Variants in TNRC18 observed in about 807,000 individuals in gnomAD.
TNRC18 encodes trinucleotide repeat containing 18.
In TNRC18, 69 loss-of-function variants were observed where a neutral mutation model predicts 226.7. That is an observed-to-expected ratio of 0.30 (90% CI 0.25 to 0.37). The LOEUF is 0.37. TNRC18 is among the 10% of genes least tolerant of loss of function. The pLI is 1.00. For synonymous variants in TNRC18, 2,449 were observed against 1,927.6 expected (o/e 1.27, Z -7.09); for missense variants, 4,754 against 4,256.6 (o/e 1.12, Z -3.25).
chr7:5,313,888 C>T, intron 26 of TNRC18, 25 bp from the exon 27 acceptor site: 1 of 1,426,568 alleles, frequency 7.0e-7, no homozygotes. Context: ...AGATGAGAAG[C>T]TGGGGCGGGG....
In TNRC18 at chr7:5,332,629, G is replaced by T. The variant is rs964387257; in HGVS notation, c.6140C>A (p.Pro2047His). ...TCCCAGCGCGGCCCCTACCTTCCTG[G>T]GGTCCTTCCTGTCCTTTGCACGCCC... is the stretch of plus-strand genomic sequence containing the variant. ...DAGRAKDRKD[P>H]RKKKKGKEAG... The change falls in exon 19 of 30, where the codon CCC becomes CAC. Residue 2047 changes from proline (P) to histidine (H), a missense_variant. By Grantham distance (77) the Pro-to-His change is moderately conservative. Coordinates refer to ENST00000430969, the MANE Select transcript of TNRC18 (RefSeq NM_001080495.3). The T allele has an allele frequency of 5.2e-6, 8 of 1,526,754 alleles. No homozygotes were observed. In the Middle Eastern group the frequency reaches 7.0e-4, roughly 133 times the overall value. 94.6% of individuals were successfully genotyped at this position (1,526,754 alleles called of 1,614,324 possible).
intron 21 of TNRC18, among the ~76,000 whole-genome samples, chr7:5,321,502 C>G (rs1035115790): frequency 6.6e-6 from 1 of 152,152 alleles, no homozygotes; most frequent in East Asian, 1.9e-4. Context: ...CCTGCTGCCT[C>G]TTCCCACCTC....
intron 17 of TNRC18, 102 bp downstream of exon 17, chr7:5,351,717 C>A: frequency 1.5e-6 from 2 of 1,358,856 alleles, no homozygotes; most frequent in Non-Finnish European, 2.0e-6. Context: ...GGCCTCCTCA[C>A]CCACCATCTC....
rs1464074407 is a variant in TNRC18, at chr7:5,309,855, G to A, written c.8389-487C>T. ...GGCCTCAAACCACCCTCCCACCTTT[G>A]CCTCCCAAAGCACTAGGATCGCAGT... On this transcript the variant is annotated intron_variant, in intron 27 of 29. Transcript: ENST00000430969. This position sits in a 1 kb window ranked among gnomAD's most constrained non-coding sequence, Gnocchi z 5.7. Among the ~76,000 whole-genome samples, 1 of 152,124 alleles carries A rather than the reference G, an allele frequency of 6.6e-6. No homozygotes were observed. Among genetic ancestry groups the A allele is most frequent in the Non-Finnish European group, 1.5e-5 (1 of 68,012 alleles).
Position 5,351,867 on chromosome 7 carries a change from C to T in TNRC18, c.5422G>A (p.Glu1808Lys), listed in dbSNP as rs1041289469. ...QPFCLLLREA[E>K]ARSSFSDSSE... The stretch of plus-strand genomic sequence containing the variant: ...GAGTCGCTGAAGGAGGAACGCGCCT[C>T]GGCCTCTCGAAGCAGCAGACAAAAC... The change falls in exon 17 of 30, where the codon GAG becomes AAG. Residue 1808 changes from glutamate (E) to lysine (K), a missense_variant. Physicochemically the swap from Glu to Lys is moderately conservative, Grantham distance 56. Transcript: ENST00000430969. 9 of 1,612,124 alleles carry T rather than the reference C, an allele frequency of 5.6e-6. No individual in the cohort carries two copies. Among genetic ancestry groups the T allele is most frequent in the East Asian group, 4.5e-5 (2 of 44,864 alleles).
chr7:5,323,183 C>T (rs1354357884), intron 21 of TNRC18, among the ~76,000 whole-genome samples: 2 of 152,070 alleles, frequency 1.3e-5, no homozygotes, highest in East Asian at 1.9e-4. Context: ...TTGGGGCGGC[C>T]GACTCCTTCT....
rs557106290 is a variant in TNRC18, at chr7:5,383,447, C to T, written c.2152+4225G>A. ...CGTTTATAACGCACCCACTATGTGC[C>T]CGTCAGCCCACCCAGCATCAAGCAG... On this transcript the variant is annotated intron_variant, in intron 5 of 29. Coordinates refer to ENST00000430969, the MANE Select transcript of TNRC18 (RefSeq NM_001080495.3). Among the ~76,000 whole-genome samples the T allele has an allele frequency of 2.6e-5, 4 of 152,286 alleles. No homozygotes were observed. In the South Asian group the frequency reaches 8.3e-4, roughly 32 times the overall value.
rs1202081357 is a variant in TNRC18, at chr7:5,332,643, C to T, written c.6126G>A (p.Lys2042=). Residue 2042 remains lysine, a synonymous_variant, in exon 19 of 30, where the codon AAG becomes AAA. Coordinates refer to ENST00000430969, the MANE Select transcript of TNRC18 (RefSeq NM_001080495.3). The stretch of plus-strand genomic sequence containing the variant: ...CTACCTTCCTGGGGTCCTTCCTGTC[C>T]TTTGCACGCCCGGCGTCCTTGCGCG... The part of the protein sequence containing the change: ...LSPRKDAGRA[K]DRKDPRKKKK... 2.6e-5 allele frequency: 40 copies of T among 1,531,760 alleles called. No homozygotes were observed. The highest frequency in any genetic ancestry group is 4.2e-5 in the Admixed American group (2 of 48,088). The allele number at this position is 1,531,760 out of a possible 1,614,324, so 94.9% of individuals were successfully genotyped here.
In TNRC18 at chr7:5,388,005, A is replaced by G; in HGVS notation, c.1819T>C (p.Cys607Arg). Residue 607 changes from cysteine (C) to arginine (R), a missense_variant, in exon 5 of 30, where the codon TGT becomes CGT. Cys to Arg is a radical substitution (Grantham distance 180). Transcript: ENST00000430969. ...RDAVAVRPGG[C>R]GKKSPFGGLG... ...CCTCCAAAGGGGCTCTTCTTGCCAC[A>G]GCCACCAGGGCGCACGGCCACGGCG... The G allele has an allele frequency of 1.3e-6, 2 of 1,584,722 alleles. No individual in the cohort carries two copies.
Position 5,371,357 on chromosome 7 carries a change from C to A in TNRC18, c.3237G>T (p.Pro1079=). The part of the protein sequence containing the change: ...SPFQALFSDI[P]PRYPFQALPP... ...GCAGGGCTTGGAACGGGTACCTGGG[C>A]GGGATATCTGCCAAGGACACAGGGG... Residue 1079 remains proline (P), a synonymous_variant, in exon 11 of 30, where the codon CCG becomes CCT. Coordinates refer to ENST00000430969, the MANE Select transcript of TNRC18 (RefSeq NM_001080495.3). The A allele has an allele frequency of 1.3e-6, 2 of 1,507,810 alleles. No homozygotes were observed. Among genetic ancestry groups the A allele is most frequent in the African/African-American group, 1.4e-5 (1 of 71,980 alleles). 93.4% of individuals were successfully genotyped at this position (1,507,810 alleles called of 1,614,324 possible). A position where few individuals can be genotyped will look rare whatever the true frequency, so the allele number is the denominator to read the frequency against.
chr7:5,315,926 G>C (rs1427395646), intron 25 of TNRC18, 30 bp downstream of exon 25: 1 of 1,516,146 alleles, frequency 6.6e-7, no homozygotes, highest in Non-Finnish European at 8.9e-7. Context: ...CCCCTGGCAG[G>C]AGACCGGGTG....
At chr7:5,340,006 A>T (rs904417603) in intron 18 of TNRC18, among the ~76,000 whole-genome samples, 1 of 152,170 alleles carries the variant, frequency 6.6e-6, no homozygotes, top group African/African-American at 2.4e-5. Context: ...AATTAGGTCA[A>T]TTAATAATCC....
intron 17 of TNRC18, 51 bp from the exon 18 acceptor site, chr7:5,345,861 C>T: frequency 3.3e-6 from 5 of 1,499,884 alleles, no homozygotes; most frequent in Non-Finnish European, 4.4e-6. Context: ...TTGGCGAGGG[C>T]CACCCCCCAC....
At chr7:5,412,244 G>GAAAAAAAAA (rs55864404) in intron 2 of TNRC18, among the ~76,000 whole-genome samples, 1 of 71,832 alleles carries the variant, frequency 1.4e-5, no homozygotes, top group African/African-American at 3.2e-5. Context: ...AATTCCAAAT[G>GAAAAAAAAA]AAAAAAAAAA....
chr7:5,355,686 C>G (rs1792290230), intron 16 of TNRC18, among the ~76,000 whole-genome samples: 1 of 152,062 alleles, frequency 6.6e-6, no homozygotes, highest in South Asian at 2.1e-4. Flanking sequence ...AGGCACCAGC[C>G]TGGGAAACAC....
Position 5,309,002 on chromosome 7 carries a change from G to A in TNRC18, c.8626-53C>T, listed in dbSNP as rs1026819502. On this transcript the variant is annotated intron_variant, in intron 28 of 29. Coordinates refer to ENST00000430969, the MANE Select transcript of TNRC18 (RefSeq NM_001080495.3). This position sits in a 1 kb window ranked among gnomAD's most constrained non-coding sequence, Gnocchi z 5.7. ...GGTGAGCCCGGGGGCTGCTGCACCC[G>A]ACCCCAGGCCCCAGGACAGGGCTGA... is the stretch of plus-strand genomic sequence containing the variant. The A allele has an allele frequency of 2.2e-5, 34 of 1,556,960 alleles. No individual in the cohort carries two copies. Among genetic ancestry groups the A allele is most frequent in the African/African-American group, 2.2e-4 (16 of 73,764 alleles).
chr7:5,351,844 G>A lies in TNRC18; in HGVS notation c.5445C>T (p.Asp1815=). The change falls in exon 17 of 30, where the codon GAC becomes GAT. Residue 1815 remains aspartate (D), a synonymous_variant. Coordinates refer to ENST00000430969, the MANE Select transcript of TNRC18 (RefSeq NM_001080495.3). ...CTTGGTCAAACGATTCCTCCGAAGA[G>A]TCGCTGAAGGAGGAACGCGCCTCGG... ...REAEARSSFS[D]SSEESFDQDE... 6.2e-7 allele frequency: 1 copy of A among 1,603,552 alleles called. No individual in the cohort carries two copies. Among genetic ancestry groups the A allele is most frequent in the Non-Finnish European group, 8.5e-7 (1 of 1,175,742 alleles).
At chr7:5,325,588 T>A (rs112124093) in intron 19 of TNRC18, 47 of 280,250 alleles carry the variant, frequency 1.7e-4, no homozygotes, top group African/African-American at 9.8e-4. Flanking sequence ...CACACCTGGC[T>A]AATGTTTTTG....
At chr7:5,333,263 G>A (rs1411592577) in intron 18 of TNRC18, among the ~76,000 whole-genome samples, 4 of 152,280 alleles carry the variant, frequency 2.6e-5, no homozygotes, top group South Asian at 2.1e-4. Flanking sequence ...TCGGCTGCCC[G>A]GACGCTGCTC....
Sources: allele counts gnomAD v4.1 joint callset (sites outside exome capture counted in the v4.1 genomes callset), GRCh38; gene constraint gnomAD v4.1.1; non-coding constraint Gnocchi (gnomAD v3.1); transcripts MANE v1.5; gene names NCBI Gene and HGNC (gene_info 2026-07-23, HGNC 2026-07-21).